The following FAAH2 variants were observed in gnomAD, a reference collection of about 807,000 sequenced individuals.
FAAH2 encodes fatty acid amide hydrolase 2, also known as fatty-acid amide hydrolase 2.
In FAAH2, 60 loss-of-function variants were observed where a neutral mutation model predicts 36.9. The ratio of observed to expected loss-of-function variants is 1.63; its 90% CI spans 1.32 to 2.02. The LOEUF (loss-of-function observed/expected upper bound fraction) is 2.02, where lower values mean the gene tolerates loss of function less well. FAAH2 is among the 30% of genes most tolerant of loss of function. The probability of loss-of-function intolerance (pLI) is 0.00; values close to 1 mark genes in which losing one functional copy is unlikely to be tolerated. For synonymous variants in FAAH2, 214 were observed against 143.8 expected (o/e 1.49, Z -3.49); for missense variants, 689 against 397.5 (o/e 1.73, Z -6.23).
chrX:57,194,227 G>T, the FAAH2 span, among the ~76,000 whole-genome samples: 14 of 111,014 alleles, frequency 1.3e-4, no homozygotes, highest in Middle Eastern at 4.3e-3. Context: ...GTTCAGGTTT[G>T]GATTTATTCC....
At chrX:57,447,678 C>T (rs1238132649) in intron 9 of FAAH2, among the ~76,000 whole-genome samples, 1 of 112,076 alleles carries the variant, frequency 8.9e-6, no homozygotes, top group African/African-American at 3.2e-5. Context: ...CAATCTTGGC[C>T]CCTTTTAGCC....
the FAAH2 span, among the ~76,000 whole-genome samples, chrX:57,221,817 C>T: frequency 7.3e-5 from 8 of 110,064 alleles, no homozygotes; most frequent in African/African-American, 2.7e-4. Context: ...TTCATGTGAG[C>T]TCACCTGGTG....
At chrX:57,266,008 C>T in the FAAH2 span, among the ~76,000 whole-genome samples, 2 of 111,176 alleles carry the variant, frequency 1.8e-5, no homozygotes, top group African/African-American at 6.6e-5. Context: ...GCCATCTTTG[C>T]TGTTTGAGCA....
intron 7 of FAAH2, among the ~76,000 whole-genome samples, chrX:57,412,801 T>A (rs1319656183): frequency 8.9e-6 from 1 of 111,941 alleles, no homozygotes; most frequent in East Asian, 2.8e-4. Context: ...ATCACCACAC[T>A]GTCTTCCACA....
At chrX:57,185,313 T>C in the FAAH2 span, among the ~76,000 whole-genome samples, 2 of 111,377 alleles carry the variant, frequency 1.8e-5, no homozygotes, top group African/African-American at 6.5e-5. Flanking sequence ...TTTTAGATCC[T>C]ACAAATAACT....
chrX:57,292,556 T>C lies in FAAH2; in HGVS notation c.251T>C (p.Met84Thr). Residue 84 changes from methionine (M) to threonine (T), a missense_variant, in exon 2 of 11, where the codon ATG becomes ACG. Met to Thr is a moderately conservative substitution (Grantham distance 81, BLOSUM62 -1). Coordinates refer to ENST00000374900, the MANE Select transcript of FAAH2 (RefSeq NM_174912.4). ...YINRIKDVNP[M>T]INGIVKYRFE... ...AACAGAATCAAGGACGTGAACCCAA[T>C]GATCAATGGAATTGTCAAGTACAGG... The C allele has an allele frequency of 1.7e-6, 2 of 1,209,722 alleles. No individual in the cohort carries two copies. Among genetic ancestry groups the C allele is most frequent in the Non-Finnish European group, 2.2e-6 (2 of 894,211 alleles).
intron 8 of FAAH2, among the ~76,000 whole-genome samples, chrX:57,437,954 CAT>C (rs1350277502): frequency 3.9e-5 from 4 of 102,780 alleles, no homozygotes; most frequent in Admixed American, 1.1e-4. Context: ...CATGTATACA[CAT>C]ATATACATAC....
chrX:57,315,852 G>A (rs767428279), intron 3 of FAAH2, among the ~76,000 whole-genome samples: 13 of 111,209 alleles, frequency 1.2e-4, no homozygotes, highest in East Asian at 1.1e-3. Flanking sequence ...TCTGAAACAA[G>A]GAAAGAGTGC....
chrX:57,368,110 A>G (rs750077414), intron 5 of FAAH2, among the ~76,000 whole-genome samples: 1 of 110,902 alleles, frequency 9.0e-6, no homozygotes, highest in South Asian at 3.8e-4. Flanking sequence ...GCTGCCTAGG[A>G]GGTCTTCCAT....
At chrX:57,294,461 G>T (rs1215332724) in intron 2 of FAAH2, among the ~76,000 whole-genome samples, 1 of 111,948 alleles carries the variant, frequency 8.9e-6, no homozygotes, top group African/African-American at 3.2e-5. Flanking sequence ...AGTCACACAA[G>T]CAAGATACCT....
the FAAH2 span, among the ~76,000 whole-genome samples, chrX:57,131,084 T>TC: frequency 1.9e-5 from 2 of 104,353 alleles, no homozygotes; most frequent in African/African-American, 3.6e-5. Flanking sequence ...TATTTCTTTT[T>TC]TTTTTTTTTT....
chrX:57,457,975 A>G (rs1231836971), intron 10 of FAAH2, among the ~76,000 whole-genome samples: 2 of 111,963 alleles, frequency 1.8e-5, no homozygotes, highest in Non-Finnish European at 3.8e-5. Flanking sequence ...CAAAAAAAGA[A>G]CCTCAACAGC....
At chrX:57,135,317 C>A in the FAAH2 span, 2 of 134,722 alleles carry the variant, frequency 1.5e-5, no homozygotes, top group African/African-American at 6.5e-5. Context: ...GCCCCAAGAT[C>A]TCACTCTCCC....
At chrX:57,391,678 T>C (rs1359720771) in intron 7 of FAAH2, among the ~76,000 whole-genome samples, 1 of 111,469 alleles carries the variant, frequency 9.0e-6, no homozygotes, top group East Asian at 2.8e-4. Context: ...TTGGTTCCAT[T>C]CTATGTCTCC....
At chrX:57,397,844 C>T (rs1486355158) in intron 7 of FAAH2, among the ~76,000 whole-genome samples, 1 of 109,344 alleles carries the variant, frequency 9.1e-6, no homozygotes, top group Admixed American at 9.8e-5. Context: ...CTAATGCTAT[C>T]CCTCCCCCTT....
chrX:57,481,519 G>A (rs1046973754), intron 10 of FAAH2, among the ~76,000 whole-genome samples: 4 of 112,032 alleles, frequency 3.6e-5, no homozygotes, highest in African/African-American at 1.3e-4. Context: ...GTCTGCTGCG[G>A]TTGCTGGACG....
chrX:57,255,092 C>G, the FAAH2 span, among the ~76,000 whole-genome samples: 48,918 of 109,882 alleles, frequency 0.45, 10,884 homozygotes, highest in African/African-American at 0.86. Flanking sequence ...TGATAAAGGG[C>G]TATCACCACC....
At chrX:57,276,292 T>C in the FAAH2 span, among the ~76,000 whole-genome samples, 2,815 of 111,870 alleles carry the variant, frequency 0.025, 99 homozygotes, top group African/African-American at 0.086. Context: ...CACAACTACA[T>C]GGAAACTGAA....
In FAAH2 at chrX:57,365,553, G is replaced by T. The variant is rs145140128; in HGVS notation, c.743-13098G>T. Among the ~76,000 whole-genome samples, 44 of 111,940 alleles carry T rather than the reference G, an allele frequency of 3.9e-4. 1 individual carries two copies. The East Asian group carries it at 0.01, about 26-fold the overall frequency. ...TGTGCTTTTGGCATGGTTGTCTTGT[G>T]TAGTATCTTGCAAGGGTTCTCTGCG... On this transcript the variant is annotated intron_variant, in intron 5 of 10. Coordinates refer to ENST00000374900, the MANE Select transcript of FAAH2 (RefSeq NM_174912.4).
Sources: gnomAD v4.1 joint callset for allele counts (sites outside exome capture counted in the v4.1 genomes callset) on GRCh38, gnomAD v4.1.1 for gene constraint, MANE v1.5 for transcripts, NCBI Gene and HGNC (gene_info 2026-07-23, HGNC 2026-07-21) for gene names.